The following USH2A variants were observed in gnomAD, a reference collection of about 807,000 sequenced individuals.
USH2A encodes usherin, also known as Usher syndrome 2A (autosomal recessive, mild).
In USH2A, 443 loss-of-function variants were observed where a neutral mutation model predicts 538.9. The ratio of observed to expected loss-of-function variants is 0.82; its 90% confidence interval spans 0.76 to 0.89. USH2A has a LOEUF of 0.89. USH2A is among the 40% of genes least tolerant of loss of function. The probability of loss-of-function intolerance (pLI) is 0.00; values close to 1 mark genes in which losing one functional copy is unlikely to be tolerated. For missense variants in USH2A, 6,633 were observed against 6,324.8 expected (o/e 1.05, Z -1.65); for synonymous variants, 2,413 against 2,273.5 (o/e 1.06, Z -1.75).
In USH2A at chr1:216,271,792, C is replaced by G. The variant is rs566951393; in HGVS notation, c.1971+17488G>C. Among the ~76,000 whole-genome samples, 4 of 152,100 alleles carry G rather than the reference C, an allele frequency of 2.6e-5. No homozygotes were observed. In the South Asian group the frequency reaches 8.3e-4, roughly 32 times the overall value. On this transcript the variant is annotated intron_variant, in intron 11 of 71. Transcript: ENST00000307340. ...GATTACCTGGGAATTCTTTTGTATT[C>G]TATTTATGTGGCTTACTACATTAAC...
intron 49 of USH2A, among the ~76,000 whole-genome samples, chr1:215,813,424 A>C (rs1027564559): frequency 6.6e-6 from 1 of 152,194 alleles, no homozygotes; most frequent in African/African-American, 2.4e-5. Context: ...CACATATTTA[A>C]TAGTGAAAAT....
At chr1:216,149,127 C>T (rs913493011) in intron 21 of USH2A, among the ~76,000 whole-genome samples, 1 of 152,098 alleles carries the variant, frequency 6.6e-6, no homozygotes, top group African/African-American at 2.4e-5. Context: ...CAAGACCACA[C>T]CCTGTAGCCT....
chr1:215,866,400 A>AAT (rs1266305377), intron 44 of USH2A, among the ~76,000 whole-genome samples: 7 of 152,166 alleles, frequency 4.6e-5, no homozygotes, highest in Admixed American at 4.6e-4. Flanking sequence ...AAGTGTTCCC[A>AAT]GCAGGTCCAG....
intron 32 of USH2A, among the ~76,000 whole-genome samples, chr1:216,021,474 G>A (rs2317937): frequency 0.19 from 28,982 of 152,106 alleles, 2,887 homozygotes; most frequent in South Asian, 0.29. Flanking sequence ...ATGTGGAACA[G>A]TGAGTCAATT....
At chr1:215,732,117 G>A (rs1571630181) in intron 60 of USH2A, among the ~76,000 whole-genome samples, 2 of 152,160 alleles carry the variant, frequency 1.3e-5, no homozygotes, top group African/African-American at 2.4e-5. Context: ...GAACAAGGAG[G>A]TCATCTCAAC....
chr1:215,870,124 C>T (rs1015266820), intron 43 of USH2A, among the ~76,000 whole-genome samples: 1 of 152,006 alleles, frequency 6.6e-6, no homozygotes, highest in African/African-American at 2.4e-5. Flanking sequence ...GGTAGCTGGA[C>T]ATAGGGTTTA....
At chr1:215,634,750 T>C in intron 69 of USH2A, 47 bp from the exon 70 acceptor site, 2 of 1,614,020 alleles carry the variant, frequency 1.2e-6, no homozygotes, top group Non-Finnish European at 1.7e-6. Flanking sequence ...TCAGAAAGCA[T>C]TTTTGTCATC....
chr1:216,204,147 A>C (rs776703887), intron 16 of USH2A: 50 of 152,830 alleles, frequency 3.3e-4, no homozygotes, highest in Admixed American at 2.9e-3. Context: ...AATAGGAACA[A>C]CACCAAAAAA....
rs566913377 is a variant in USH2A at position 215,821,174 on chromosome 1, A to C, written c.9372-3979T>G. Among the ~76,000 whole-genome samples the C allele has an allele frequency of 3.9e-5, 6 of 151,962 alleles. No homozygotes were observed. In the East Asian group the frequency reaches 7.7e-4, roughly 20 times the overall value. ...ATGAGGAACCCCCATACAATATTCT[A>C]TAGTGGCTGTACAAATTTACATTCC... is the stretch of plus-strand genomic sequence containing the variant. On this transcript the variant is annotated intron_variant, in intron 47 of 71. Transcript: ENST00000307340.
At chr1:216,101,590 C>A (rs757679101) in intron 21 of USH2A, among the ~76,000 whole-genome samples, 1 of 152,262 alleles carries the variant, frequency 6.6e-6, no homozygotes, top group South Asian at 2.1e-4. Context: ...GGATCAGAGC[C>A]CAGCAGTGCC....
At chr1:216,324,107 T>A (rs1167220551) in intron 7 of USH2A, 61 bp downstream of exon 7, 1 of 1,559,356 alleles carries the variant, frequency 6.4e-7, no homozygotes, top group Non-Finnish European at 8.7e-7. Context: ...AGAGCTAGCA[T>A]ACTTGTACAT....
At chr1:215,746,819 C>A (rs751582597) in intron 58 of USH2A, among the ~76,000 whole-genome samples, 4 of 152,164 alleles carry the variant, frequency 2.6e-5, no homozygotes, top group Non-Finnish European at 5.9e-5. Context: ...AAGAACCTAT[C>A]ATGACCTTAA....
intron 13 of USH2A, among the ~76,000 whole-genome samples, chr1:216,233,362 C>A (rs985624615): frequency 4.6e-5 from 7 of 152,150 alleles, no homozygotes; most frequent in Middle Eastern, 3.2e-3. Context: ...CCTCAGGCAA[C>A]TTTCCCTAGG....
intron 71 of USH2A, among the ~76,000 whole-genome samples, chr1:215,627,441 C>CTTCCTTCCTTCTTTCCTTCCTTCT (rs1656086592): frequency 9.1e-5 from 5 of 55,102 alleles, no homozygotes; most frequent in African/African-American, 2.2e-4. Flanking sequence ...TCCTTCCTTC[C>CTTCCTTCCTTCTTTCCTTCCTTCT]TTCCTTCCTT....
At chr1:215,662,105 TA>T (rs1657454986) in intron 64 of USH2A, among the ~76,000 whole-genome samples, 1 of 152,220 alleles carries the variant, frequency 6.6e-6, no homozygotes, top group African/African-American at 2.4e-5. Context: ...GACAGTTTAT[TA>T]AATACTCAAT....
chr1:215,732,378 C>G (rs1660022141), intron 60 of USH2A, among the ~76,000 whole-genome samples: 1 of 152,032 alleles, frequency 6.6e-6, no homozygotes, highest in South Asian at 2.1e-4. Context: ...CTCAAAAGGA[C>G]TCACCTTTCT....
chr1:215,859,088 G>A (rs529095001), intron 44 of USH2A, among the ~76,000 whole-genome samples: 256 of 152,238 alleles, frequency 1.7e-3, no homozygotes, highest in African/African-American at 5.9e-3. Context: ...AAGAGCAAGC[G>A]AGCCTGTGTG....
intron 9 of USH2A, among the ~76,000 whole-genome samples, chr1:216,306,275 C>A (rs2102630587): frequency 6.6e-6 from 1 of 151,790 alleles, no homozygotes; most frequent in South Asian, 2.1e-4. Flanking sequence ...CTCTGGTGTT[C>A]TTCCTTCTAC....
At chr1:215,981,107 T>C (rs1667742000) in intron 35 of USH2A, among the ~76,000 whole-genome samples, 1 of 152,174 alleles carries the variant, frequency 6.6e-6, no homozygotes, top group Non-Finnish European at 1.5e-5. Flanking sequence ...TGTCAGACTT[T>C]GAAATTTTTG....
Sources: gnomAD v4.1 joint callset for allele counts (sites outside exome capture counted in the v4.1 genomes callset) on GRCh38, gnomAD v4.1.1 for gene constraint, MANE v1.5 for transcripts, NCBI Gene and HGNC (gene_info 2026-07-23, HGNC 2026-07-21) for gene names.